DOK6: variants seen among roughly 807,000 people sequenced by gnomAD.
The protein encoded by DOK6 is downstream of tyrosine kinase 6.
A neutral mutation model predicts 44.0 loss-of-function variants in DOK6; 22 were observed. The ratio of observed to expected loss-of-function variants is 0.50; its 90% CI spans 0.36 to 0.71. The LOEUF (loss-of-function observed/expected upper bound fraction) is 0.71, where lower values mean the gene tolerates loss of function less well. Ranked by LOEUF, DOK6 falls within the 30% of genes least tolerant of loss-of-function variation. The pLI is 0.00. For synonymous variants in DOK6, 166 were observed against 145.5 expected, an observed-to-expected ratio of 1.14 and a Z score of -1.01; for missense variants, 340 against 416.4, an observed-to-expected ratio of 0.82 and a Z score of 1.60.
chr18:69,472,191 T>A (rs1980131977), intron 1 of DOK6, among the ~76,000 whole-genome samples: 1 of 152,210 alleles, frequency 6.6e-6, no homozygotes, highest in South Asian at 2.1e-4. Flanking sequence ...CTACTTAAAA[T>A]ACCTGTTTCA....
At chr18:69,778,551 C>T (rs1006776589) in intron 7 of DOK6, among the ~76,000 whole-genome samples, 5 of 152,168 alleles carry the variant, frequency 3.3e-5, no homozygotes, top group Non-Finnish European at 7.3e-5. Context: ...CTGTAAACTA[C>T]ATGGCTGGCT....
chr18:69,613,908 G>T (rs1009323107), intron 3 of DOK6, among the ~76,000 whole-genome samples: 2 of 150,076 alleles, frequency 1.3e-5, no homozygotes, highest in African/African-American at 2.4e-5. Flanking sequence ...AATGAATTTG[G>T]GTAAATCCCA....
chr18:69,544,150 T>A (rs73452091), intron 1 of DOK6, among the ~76,000 whole-genome samples: 6,994 of 149,178 alleles, frequency 0.047, 551 homozygotes, highest in African/African-American at 0.16. Flanking sequence ...CACAGCTATG[T>A]GGGAGGCTGA....
chr18:69,695,667 G>T (rs1025567611), intron 4 of DOK6, among the ~76,000 whole-genome samples: 1 of 152,120 alleles, frequency 6.6e-6, no homozygotes, highest in Admixed American at 6.5e-5. Context: ...ATAATGTGCT[G>T]CCTTCATCTT....
At chr18:69,767,691 C>G (rs1979760943) in intron 7 of DOK6, among the ~76,000 whole-genome samples, 1 of 152,182 alleles carries the variant, frequency 6.6e-6, no homozygotes, top group Non-Finnish European at 1.5e-5. Flanking sequence ...CAGCCTCTTT[C>G]CTAATGTGGA....
At chr18:69,684,126 T>C (rs1052305358) in intron 4 of DOK6, among the ~76,000 whole-genome samples, 1 of 152,218 alleles carries the variant, frequency 6.6e-6, no homozygotes. Flanking sequence ...CATTGTGTTG[T>C]ACCATTTTAC....
intron 1 of DOK6, among the ~76,000 whole-genome samples, chr18:69,521,505 A>T (rs1316228697): frequency 3.3e-5 from 5 of 151,756 alleles, no homozygotes; most frequent in Non-Finnish European, 5.9e-5. Context: ...TTATGAAAGG[A>T]TAGTTCAGTT....
intron 1 of DOK6, among the ~76,000 whole-genome samples, chr18:69,466,775 G>GT (rs1979940442): frequency 6.6e-6 from 1 of 151,656 alleles, no homozygotes; most frequent in Admixed American, 6.6e-5. Flanking sequence ...AGTAGGAAAA[G>GT]TAAGAGGGAG....
At chr18:69,466,494 C>T (rs1010462414) in intron 1 of DOK6, among the ~76,000 whole-genome samples, 2 of 152,016 alleles carry the variant, frequency 1.3e-5, no homozygotes, top group Non-Finnish European at 2.9e-5. Flanking sequence ...GAGTTATCCC[C>T]GAGATAGTGT....
intron 7 of DOK6, among the ~76,000 whole-genome samples, chr18:69,822,861 G>GT (rs1468858505): frequency 2.6e-5 from 4 of 152,060 alleles, no homozygotes; most frequent in African/African-American, 4.8e-5. Context: ...AGTTATAAAA[G>GT]TTTTTTTAAA....
At chr18:69,587,927 A>T (rs1313647531) in intron 2 of DOK6, among the ~76,000 whole-genome samples, 3 of 152,164 alleles carry the variant, frequency 2.0e-5, no homozygotes, top group African/African-American at 7.2e-5. Context: ...TAGGCATAAT[A>T]AGGTAATGAG....
In DOK6 at chr18:69,548,139, G is replaced by A. The variant is rs183205512; in HGVS notation, c.67-16348G>A. 1.7e-3 allele frequency among the ~76,000 whole-genome samples: 258 copies of A among 150,586 alleles called. 10 individuals are homozygous for A. The highest frequency in any genetic ancestry group is 2.0e-3 in the Non-Finnish European group (135 of 67,390). The stretch of plus-strand genomic sequence containing the variant: ...CGGCTAATTTTTTGTATTTTTAGTA[G>A]AGACGGGGTTTCACGGTGTTAGCCA... On this transcript the variant is annotated intron_variant, in intron 1 of 7. Transcript: ENST00000382713.
intron 1 of DOK6, among the ~76,000 whole-genome samples, chr18:69,454,955 G>T (rs1304764936): frequency 2.8e-5 from 4 of 142,876 alleles, no homozygotes; most frequent in Non-Finnish European, 6.1e-5. Context: ...ATATACCTAA[G>T]GCTAGATGAC....
intron 3 of DOK6, among the ~76,000 whole-genome samples, chr18:69,666,144 A>G (rs1018529992): frequency 6.6e-5 from 10 of 152,186 alleles, no homozygotes; most frequent in Non-Finnish European, 1.2e-4. Context: ...CTGTGTGCAA[A>G]CTGAGCAATT....
At chr18:69,715,346 T>A (rs1986858828) in intron 5 of DOK6, among the ~76,000 whole-genome samples, 1 of 152,240 alleles carries the variant, frequency 6.6e-6, no homozygotes. Flanking sequence ...GACCCATTGA[T>A]GTCTTCTTTA....
intron 7 of DOK6, among the ~76,000 whole-genome samples, chr18:69,814,915 G>A (rs558252947): frequency 1.1e-3 from 170 of 152,208 alleles, no homozygotes; most frequent in African/African-American, 4.0e-3. Context: ...GACTAGCAGA[G>A]TTTGAGTGTC....
chr18:69,508,157 T>G (rs974326798), intron 1 of DOK6, among the ~76,000 whole-genome samples: 2 of 152,218 alleles, frequency 1.3e-5, no homozygotes, highest in African/African-American at 4.8e-5. Flanking sequence ...TATGGTAAAT[T>G]GAATTGCATA....
intron 5 of DOK6, among the ~76,000 whole-genome samples, chr18:69,705,824 G>A (rs8088555): frequency 0.78 from 118,870 of 151,764 alleles, 46,752 homozygotes; most frequent in East Asian, 0.98. Flanking sequence ...CACTGTTAAC[G>A]TTTTGTTATC....
intron 6 of DOK6, among the ~76,000 whole-genome samples, chr18:69,750,291 GGA>G (rs1433165361): frequency 6.6e-6 from 1 of 151,786 alleles, no homozygotes; most frequent in Non-Finnish European, 1.5e-5. Context: ...AACTTTTAAA[GGA>G]GAGTTTAATA....
Sources: gnomAD v4.1 joint callset for allele counts (sites outside exome capture counted in the v4.1 genomes callset) on GRCh38, gnomAD v4.1.1 for gene constraint, MANE v1.5 for transcripts, NCBI Gene and HGNC (gene_info 2026-07-23, HGNC 2026-07-21) for gene names.